The following ANKRD30B variants were observed in gnomAD, a reference collection of about 807,000 sequenced individuals.
The protein encoded by ANKRD30B is ankyrin repeat domain 30B, also known as ankyrin repeat domain-containing protein 30B.
Under a neutral mutation model 202.2 loss-of-function variants are expected in ANKRD30B, and 144 were observed. The ratio of observed to expected loss-of-function variants is 0.71; its 90% CI spans 0.62 to 0.82. The LOEUF (loss-of-function observed/expected upper bound fraction) is 0.82. Among genes scored for constraint, ANKRD30B ranks in the 40% least tolerant of loss-of-function variants. The pLI is 0.00. For missense variants in ANKRD30B, 1,487 were observed against 1,669.1 expected, an observed-to-expected ratio of 0.89 and a Z score of 1.90; for synonymous variants, 508 against 561.3, an observed-to-expected ratio of 0.91 and a Z score of 1.34.
the ANKRD30B span, among the ~76,000 whole-genome samples, chr18:14,933,399 G>T: frequency 1.3e-5 from 2 of 152,224 alleles, no homozygotes; most frequent in Non-Finnish European, 2.9e-5. Flanking sequence ...AGCAGGCCCG[G>T]GGGTGGGTGC....
At chr18:14,900,057 A>AT in the ANKRD30B span, among the ~76,000 whole-genome samples, 3,255 of 152,166 alleles carry the variant, frequency 0.021, 51 homozygotes, top group Middle Eastern at 0.051. Flanking sequence ...AAAAAATACA[A>AT]TTTTTTAAAA....
chr18:14,864,897 G>A, the ANKRD30B span, among the ~76,000 whole-genome samples: 4 of 150,836 alleles, frequency 2.7e-5, no homozygotes, highest in Admixed American at 6.6e-5. Flanking sequence ...TGCTCACCAC[G>A]CTCTTTTAAC....
At chr18:14,804,930 G>A (rs1219348748) in intron 24 of ANKRD30B, among the ~76,000 whole-genome samples, 9 of 150,554 alleles carry the variant, frequency 6.0e-5, no homozygotes, top group Admixed American at 5.9e-4. Context: ...AACTCACTTC[G>A]GAAGCATTTA....
At chr18:14,792,104 C>A (rs1968553363) in intron 16 of ANKRD30B, among the ~76,000 whole-genome samples, 1 of 152,126 alleles carries the variant, frequency 6.6e-6, no homozygotes, top group Non-Finnish European at 1.5e-5. Flanking sequence ...TCCGTATAGA[C>A]CATAAGTTTT....
intron 39 of ANKRD30B, among the ~76,000 whole-genome samples, chr18:14,843,814 AAATAAT>A (rs71305886): frequency 1.3e-5 from 2 of 152,064 alleles, no homozygotes; most frequent in Non-Finnish European, 2.9e-5. Flanking sequence ...AAACAAACAG[AAATAAT>A]AATAATAATA....
At chr18:14,914,158 G>C in the ANKRD30B span, among the ~76,000 whole-genome samples, 1 of 152,290 alleles carries the variant, frequency 6.6e-6, no homozygotes, top group South Asian at 2.1e-4. Context: ...AGGTTGATTG[G>C]TCTGGAAATT....
At chr18:14,816,792 A>G (rs1223620096) in intron 30 of ANKRD30B, 2 of 152,244 alleles carry the variant, frequency 1.3e-5, no homozygotes, top group Non-Finnish European at 2.9e-5. Flanking sequence ...ATAAAAAATG[A>G]TAAGTTCATG....
chr18:14,934,733 G>C, the ANKRD30B span, among the ~76,000 whole-genome samples: 2 of 152,106 alleles, frequency 1.3e-5, no homozygotes, highest in South Asian at 2.1e-4. Flanking sequence ...ATAGCAAGAA[G>C]GGATCCGGAG....
the ANKRD30B span, among the ~76,000 whole-genome samples, chr18:14,904,007 G>T: frequency 2.6e-5 from 4 of 152,120 alleles, no homozygotes; most frequent in Non-Finnish European, 5.9e-5. Flanking sequence ...CTGTCCAATT[G>T]TCATCTGTCT....
intron 3 of ANKRD30B, 70 bp downstream of exon 3, chr18:14,753,082 C>T: frequency 8.0e-7 from 1 of 1,244,946 alleles, no homozygotes; most frequent in Non-Finnish European, 1.1e-6. Context: ...ATATGTAAGG[C>T]TTTTATATTT....
intron 10 of ANKRD30B, among the ~76,000 whole-genome samples, chr18:14,779,014 G>A (rs1380323320): frequency 6.6e-6 from 1 of 152,206 alleles, no homozygotes; most frequent in Non-Finnish European, 1.5e-5. Flanking sequence ...TTGATTTTAA[G>A]AGATGTTGAA....
chr18:14,822,035 C>A (rs1278346239), intron 30 of ANKRD30B, among the ~76,000 whole-genome samples: 7 of 151,498 alleles, frequency 4.6e-5, no homozygotes, highest in Non-Finnish European at 8.8e-5. Flanking sequence ...ATAATAGCTA[C>A]TTGTAGTATA....
chr18:14,798,287 A>T (rs9303864), intron 20 of ANKRD30B, among the ~76,000 whole-genome samples: 76,725 of 151,104 alleles, frequency 0.51, 19,744 homozygotes, highest in Non-Finnish European at 0.53. Flanking sequence ...GGGTCATTTG[A>T]TTATGAGGTG....
At chr18:14,805,667 T>A (rs1969464672) in intron 24 of ANKRD30B, among the ~76,000 whole-genome samples, 1 of 151,020 alleles carries the variant, frequency 6.6e-6, no homozygotes, top group Non-Finnish European at 1.5e-5. Context: ...ATGATGAATA[T>A]TTGTAATGAT....
Position 14,787,042 on chromosome 18 carries a change from A to T in ANKRD30B, c.1676A>T (p.Gln559Leu). 1 of 1,609,212 alleles carries T rather than the reference A, an allele frequency of 6.2e-7. No individual in the cohort carries two copies. Among genetic ancestry groups the T allele is most frequent in the African/African-American group, 1.3e-5 (1 of 74,922 alleles). ...LKNEQTLRAAQMFPSESKQKD... is the reference protein window; with the variant it reads ...LKNEQTLRAALMFPSESKQKD... ...ATCTGTGATTAACCTTTTATAGCTC[A>T]GATGTTCCCATCAGAATCCAAACAA... The change falls in exon 15 of 44, where the codon CAG (glutamine) becomes CTG (leucine). Residue 559 changes from glutamine to leucine, a missense_variant. Physicochemically the swap from Gln to Leu is moderately radical, Grantham distance 113 (BLOSUM62 -2). Transcript: ENST00000690538.
the ANKRD30B span, among the ~76,000 whole-genome samples, chr18:14,860,408 TCACCTCCC>T: frequency 1.2e-4 from 13 of 112,844 alleles, no homozygotes; most frequent in South Asian, 3.3e-4. Context: ...GAGGCGCTCC[TCACCTCCC>T]AGATGGGGCA....
At chr18:14,886,439 T>G in the ANKRD30B span, among the ~76,000 whole-genome samples, 1 of 151,974 alleles carries the variant, frequency 6.6e-6, no homozygotes, top group African/African-American at 2.4e-5. Flanking sequence ...AACAAATAAT[T>G]AAGGTACATA....
the ANKRD30B span, among the ~76,000 whole-genome samples, chr18:14,867,725 C>G: frequency 6.6e-6 from 1 of 151,996 alleles, no homozygotes; most frequent in Non-Finnish European, 1.5e-5. Flanking sequence ...CAGGGAGCCC[C>G]GGGCACTGTG....
Position 14,852,265 on chromosome 18 carries a change from A to G in ANKRD30B, c.4321A>G (p.Lys1441Glu). 1 of 1,549,604 alleles carries G rather than the reference A, an allele frequency of 6.5e-7. No individual in the cohort carries two copies. Among genetic ancestry groups the G allele is most frequent in the Non-Finnish European group, 8.7e-7 (1 of 1,146,788 alleles). ...TCGACAGCAATTAGTTTATGCACAT[A>G]AGAAAGTTAACAAAAGCAAGGTAAC... Reference protein sequence around the residue: ...WLRQQLVYAHKKVNKSKVTIN... With the variant: ...WLRQQLVYAHEKVNKSKVTIN... The change falls in exon 42 of 44, where the codon AAG (lysine) becomes GAG (glutamate). Residue 1441 changes from lysine to glutamate, a missense_variant. By Grantham distance (56) the Lys-to-Glu change is moderately conservative (BLOSUM62 1). This residue lies in a region of ANKRD30B where 182 missense variants were observed against 216.0 expected (regional missense o/e 0.84). Coordinates refer to ENST00000690538, the MANE Select transcript of ANKRD30B (RefSeq NM_001367607.2).
Sources: allele counts gnomAD v4.1 joint callset (sites outside exome capture counted in the v4.1 genomes callset), GRCh38; gene constraint gnomAD v4.1.1; regional missense constraint gnomAD v4.1.1; transcripts MANE v1.5; gene names NCBI Gene and HGNC (gene_info 2026-07-23, HGNC 2026-07-21).